Variants in EPHA3 observed in about 807,000 individuals in gnomAD.
EPHA3 encodes ephrin type-A receptor 3.
Under a neutral mutation model 107.1 loss-of-function variants are expected in EPHA3, and 42 were observed. The observed-to-expected ratio is 0.39, with a 90% CI of 0.31 to 0.51. EPHA3 has a LOEUF of 0.51. EPHA3 is among the 20% of genes least tolerant of loss of function. EPHA3 has a pLI of 0.78. For missense variants in EPHA3, 1,183 were observed against 1,211.2 expected (o/e 0.98, Z 0.35); for synonymous variants, 461 against 424.8 (o/e 1.09, Z -1.05).
intron 5 of EPHA3, among the ~76,000 whole-genome samples, chr3:89,358,943 G>A (rs1708025802): frequency 6.6e-6 from 1 of 150,842 alleles, no homozygotes; most frequent in African/African-American, 2.4e-5. Flanking sequence ...TATAACAATG[G>A]GACAAGAGCA....
intron 6 of EPHA3, among the ~76,000 whole-genome samples, chr3:89,398,091 T>A (rs996220503): frequency 6.6e-6 from 1 of 152,194 alleles, no homozygotes; most frequent in Admixed American, 6.5e-5. Flanking sequence ...TCTCTAGGAT[T>A]TAAGGTCCAC....
intron 3 of EPHA3, among the ~76,000 whole-genome samples, chr3:89,212,676 G>A (rs1704131721): frequency 1.3e-5 from 2 of 151,736 alleles, no homozygotes; most frequent in African/African-American, 4.8e-5. Flanking sequence ...AGATGAGGAC[G>A]CTAATGGCTT....
intron 16 of EPHA3, among the ~76,000 whole-genome samples, chr3:89,476,859 C>T (rs1028850506): frequency 2.0e-4 from 30 of 151,868 alleles, no homozygotes; most frequent in Non-Finnish European, 3.1e-4. Flanking sequence ...TCACCCGCCT[C>T]GGCCTCCCAA....
At chr3:89,350,522 AT>A (rs1046918755) in intron 5 of EPHA3, among the ~76,000 whole-genome samples, 2 of 148,398 alleles carry the variant, frequency 1.3e-5, no homozygotes, top group African/African-American at 4.9e-5. Context: ...ATTCTTCTAA[AT>A]TTTTTTCAAA....
chr3:89,151,719 A>G (rs1014852354), intron 2 of EPHA3, among the ~76,000 whole-genome samples: 23 of 152,134 alleles, frequency 1.5e-4, no homozygotes, highest in African/African-American at 5.3e-4. Context: ...AAAAATTAAC[A>G]TAAATCAAAC....
At chr3:89,305,315 C>T (rs2107351710) in intron 3 of EPHA3, among the ~76,000 whole-genome samples, 1 of 152,064 alleles carries the variant, frequency 6.6e-6, no homozygotes, top group Non-Finnish European at 1.5e-5. Flanking sequence ...AATGTAACGG[C>T]CAAGAAAAAT....
chr3:89,460,695 T>A (rs1359067634), intron 15 of EPHA3, among the ~76,000 whole-genome samples: 1 of 148,266 alleles, frequency 6.7e-6, no homozygotes, highest in Admixed American at 6.7e-5. Context: ...TCTGCCTTTA[T>A]TTCTCAAAAT....
intron 2 of EPHA3, among the ~76,000 whole-genome samples, chr3:89,170,769 G>GA (rs781687831): frequency 8.5e-5 from 13 of 152,100 alleles, no homozygotes; most frequent in Non-Finnish European, 1.3e-4. Flanking sequence ...TGAAGAAAAA[G>GA]AAAAAACAAG....
chr3:89,161,846 G>A (rs1405317143), intron 2 of EPHA3, among the ~76,000 whole-genome samples: 1 of 151,802 alleles, frequency 6.6e-6, no homozygotes, highest in Non-Finnish European at 1.5e-5. Flanking sequence ...GGATATGGTA[G>A]CATGCCTGTA....
At chr3:89,304,034 A>G (rs901734681) in intron 3 of EPHA3, among the ~76,000 whole-genome samples, 2 of 152,000 alleles carry the variant, frequency 1.3e-5, no homozygotes, top group Non-Finnish European at 2.9e-5. Context: ...TTTCTTCTAC[A>G]CTGGCAAACT....
At chr3:89,122,221 T>A (rs892193373) in intron 1 of EPHA3, among the ~76,000 whole-genome samples, 1 of 152,174 alleles carries the variant, frequency 6.6e-6, no homozygotes, top group Admixed American at 6.5e-5. Flanking sequence ...GCTGGGACAA[T>A]TACAGTGATG....
At chr3:89,208,182 C>T (rs1706153887) in intron 2 of EPHA3, among the ~76,000 whole-genome samples, 1 of 151,474 alleles carries the variant, frequency 6.6e-6, no homozygotes, top group Non-Finnish European at 1.5e-5. Flanking sequence ...GATCACTGGC[C>T]AACATGGAGA....
chr3:89,171,662 G>A (rs540658626), intron 2 of EPHA3, among the ~76,000 whole-genome samples: 1 of 152,060 alleles, frequency 6.6e-6, no homozygotes, highest in East Asian at 1.9e-4. Context: ...AGAGCTTATT[G>A]CTAAAAGGTT....
chr3:89,380,458 C>T (rs748320989), intron 5 of EPHA3, among the ~76,000 whole-genome samples: 3 of 152,128 alleles, frequency 2.0e-5, no homozygotes, highest in Non-Finnish European at 2.9e-5. Flanking sequence ...CCAAAAACAA[C>T]AGGGTTTGTG....
intron 13 of EPHA3, among the ~76,000 whole-genome samples, chr3:89,438,127 G>C (rs1441583017): frequency 1.3e-5 from 2 of 150,256 alleles, no homozygotes; most frequent in African/African-American, 2.4e-5. Flanking sequence ...TGTTTTTTTT[G>C]AGATGGAGTC....
At chr3:89,112,661 C>G (rs1265471431) in intron 1 of EPHA3, among the ~76,000 whole-genome samples, 1 of 150,362 alleles carries the variant, frequency 6.7e-6, no homozygotes, top group Non-Finnish European at 1.5e-5. Context: ...AAGAAGTGTT[C>G]TTGAAAGTTA....
intron 13 of EPHA3, among the ~76,000 whole-genome samples, chr3:89,433,389 T>A (rs1326206832): frequency 6.6e-6 from 1 of 152,026 alleles, no homozygotes; most frequent in Non-Finnish European, 1.5e-5. Context: ...CATGCTATAA[T>A]AAAGAACCTA....
intron 15 of EPHA3, among the ~76,000 whole-genome samples, chr3:89,469,608 T>TTA (rs1407335745): frequency 2.0e-5 from 3 of 152,272 alleles, no homozygotes; most frequent in African/African-American, 7.2e-5. Flanking sequence ...AAAGACCTAT[T>TTA]TAAGTGTGCG....
chr3:89,304,785 T>C (rs1706573124), intron 3 of EPHA3, among the ~76,000 whole-genome samples: 1 of 152,142 alleles, frequency 6.6e-6, no homozygotes, highest in South Asian at 2.1e-4. Context: ...CCTTTTCCTG[T>C]TTTCTGCTCA....
Sources: allele counts gnomAD v4.1 joint callset (sites outside exome capture counted in the v4.1 genomes callset), GRCh38; gene constraint gnomAD v4.1.1; transcripts MANE v1.5; gene names NCBI Gene and HGNC (gene_info 2026-07-23, HGNC 2026-07-21).